Variants in PFKFB4 observed in about 807,000 individuals in gnomAD.
PFKFB4 encodes 6-phosphofructo-2-kinase/fructose-2,6-bisphosphatase 4.
Under a neutral mutation model 62.8 loss-of-function variants are expected in PFKFB4, and 42 were observed. The observed-to-expected ratio is 0.67, with a 90% CI of 0.52 to 0.86. The LOEUF is 0.86. PFKFB4 is among the 40% of genes least tolerant of loss of function. The pLI, the probability that PFKFB4 is intolerant of heterozygous loss-of-function variation, is 0.00. For missense variants in PFKFB4, 475 were observed against 627.2 expected, an observed-to-expected ratio of 0.76 and a Z score of 2.59; for synonymous variants, 204 against 240.7, an observed-to-expected ratio of 0.85 and a Z score of 1.41.
Position 48,542,003 on chromosome 3 carries a change from T to C in PFKFB4, c.378+1577A>G, listed in dbSNP as rs1348378537. ...CAACAACACTCATATACTTGTAAGA[T>C]AATGTTGAAGAAGTCTTTCTCAAAA... On this transcript the variant is annotated intron_variant, in intron 4 of 13. Transcript: ENST00000232375. Among the ~76,000 whole-genome samples, 3 of 151,756 alleles carry C rather than the reference T, an allele frequency of 2.0e-5. 1 individual carries two copies. Among genetic ancestry groups the C allele is most frequent in the South Asian group, 4.2e-4 (2 of 4,804 alleles).
intron 1 of PFKFB4, among the ~76,000 whole-genome samples, chr3:48,554,241 G>A (rs935983383): frequency 6.6e-6 from 1 of 152,162 alleles, no homozygotes; most frequent in Non-Finnish European, 1.5e-5. Flanking sequence ...CACCCTCCGG[G>A]TCCAGACTGT....
intron 7 of PFKFB4, among the ~76,000 whole-genome samples, chr3:48,537,860 G>A (rs2042674167): frequency 6.6e-6 from 1 of 152,088 alleles, no homozygotes; most frequent in Admixed American, 6.6e-5. Flanking sequence ...CAGAACCTAA[G>A]CACAAGTTTG....
intron 1 of PFKFB4, among the ~76,000 whole-genome samples, chr3:48,553,603 C>T (rs984200723): frequency 1.3e-5 from 2 of 152,220 alleles, no homozygotes; most frequent in East Asian, 1.9e-4. Context: ...GCTCTAGGAG[C>T]GAAGGGGCCC....
chr3:48,519,421 T>C lies in PFKFB4; in HGVS notation c.*326A>G. On this transcript the variant is annotated 3_prime_UTR_variant, in exon 14 of 14. Coordinates refer to ENST00000232375, the MANE Select transcript of PFKFB4 (RefSeq NM_004567.4). ...CCTTTCACATTGTAGGGTTTCACACTTCACAAAGCCAACTGAGCTGGCGAG... is the reference window on the plus strand; with the variant it reads ...CCTTTCACATTGTAGGGTTTCACACCTCACAAAGCCAACTGAGCTGGCGAG... 1 of 316,914 alleles carries C rather than the reference T, an allele frequency of 3.2e-6. No individual in the cohort carries two copies. The highest frequency in any genetic ancestry group is 5.9e-6 in the Non-Finnish European group (1 of 168,820). 19.6% of individuals were successfully genotyped at this position (316,914 alleles called of 1,614,324 possible).
upstream of PFKFB4, chr3:48,562,774 CCT>C (rs780820752): frequency 3.4e-5 from 52 of 1,535,524 alleles, no homozygotes; most frequent in Middle Eastern, 1.7e-4. The surrounding 1 kb of genome is among the most constrained non-coding windows in gnomAD (Gnocchi z 4.3). Flanking sequence ...ACTGTGACCC[CCT>C]CTCTCAGGCT....
intron 9 of PFKFB4, among the ~76,000 whole-genome samples, chr3:48,527,878 G>A (rs1288697441): frequency 2.6e-5 from 4 of 151,754 alleles, no homozygotes; most frequent in East Asian, 1.9e-4. Flanking sequence ...TAGTAGAGAC[G>A]GGGTTTCGCC....
upstream of PFKFB4, chr3:48,559,558 C>G (rs1258952587): frequency 8.8e-6 from 4 of 457,042 alleles, no homozygotes; most frequent in African/African-American, 2.0e-5. Flanking sequence ...GTCCCAGCGT[C>G]TGCTCTCTCA....
At position 48,543,664 on chromosome 3, in the gene PFKFB4, C is replaced by A. The variant is rs765978584; in HGVS notation, c.312-18G>T. The A allele has an allele frequency of 1.6e-5, 26 of 1,605,270 alleles. No individual in the cohort carries two copies. The South Asian group carries it at 2.4e-4, about 15-fold the overall frequency. ...CACACTGCCTTCAGGAGAGAAAACA[C>A]AGGGTCAGCCCAGCACCCGACCCTG... On this transcript the variant is annotated intron_variant, in intron 3 of 13. Transcript: ENST00000232375.
At chr3:48,522,225 C>A (rs996819993) in intron 12 of PFKFB4, among the ~76,000 whole-genome samples, 175 bp from the exon 13 acceptor site, 1 of 152,190 alleles carries the variant, frequency 6.6e-6, no homozygotes, top group African/African-American at 2.4e-5. Context: ...AAGGATGAGA[C>A]ACGCTGTCAG....
intron 10 of PFKFB4, 57 bp downstream of exon 10, chr3:48,525,508 G>T: frequency 2.2e-6 from 2 of 900,918 alleles, no homozygotes; most frequent in Non-Finnish European, 3.4e-6. Context: ...CTCAGCCACA[G>T]GTGGTACTCC....
chr3:48,531,962 A>G (rs1220422445), intron 9 of PFKFB4, among the ~76,000 whole-genome samples: 4 of 152,218 alleles, frequency 2.6e-5, no homozygotes, highest in Admixed American at 6.5e-5. Flanking sequence ...TCTGGTAGAA[A>G]TGTAAAATGA....
chr3:48,539,265 C>T lies in PFKFB4; in HGVS notation c.499G>A (p.Ala167Thr), dbSNP rs747613310. ...GATGCACTACTCACCACGATGTTGG[C>T]AGCTATGACCTCAGGATCCACACAG... The part of the protein sequence containing the change: ...SICVDPEVIA[A>T]NIVQVKLGSP... The change falls in exon 6 of 14, where the codon GCC becomes ACC. Residue 167 changes from alanine to threonine, a missense_variant. Transcript: ENST00000232375. 2.5e-6 allele frequency: 4 copies of T among 1,613,386 alleles called. No individual in the cohort carries two copies. Among genetic ancestry groups the T allele is most frequent in the Non-Finnish European group, 3.4e-6 (4 of 1,179,506 alleles).
chr3:48,559,901 CA>C, upstream of PFKFB4: 2 of 22,020 alleles, frequency 9.1e-5, no homozygotes, highest in South Asian at 1.2e-3. Flanking sequence ...CATCCCACCA[CA>C]CACACACACA....
upstream of PFKFB4, chr3:48,561,261 T>C: frequency 3.2e-6 from 1 of 311,090 alleles, no homozygotes; most frequent in South Asian, 2.6e-5. This position sits in a 1 kb window ranked among gnomAD's most constrained non-coding sequence, Gnocchi z 5.2. Context: ...CCCACAGGGC[T>C]GCTTACAACT....
intron 3 of PFKFB4, among the ~76,000 whole-genome samples, chr3:48,544,718 CAGA>C (rs1392556558): frequency 6.8e-6 from 1 of 146,694 alleles, no homozygotes; most frequent in South Asian, 2.1e-4. Context: ...TGGATTGACA[CAGA>C]AGGTTTGTTT....
At chr3:48,531,286 T>C (rs2042417935) in intron 9 of PFKFB4, among the ~76,000 whole-genome samples, 1 of 151,234 alleles carries the variant, frequency 6.6e-6, no homozygotes, top group Non-Finnish European at 1.5e-5. Flanking sequence ...TCACCTGAGG[T>C]CAGGAGTTCA....
chr3:48,519,568 C>T lies in PFKFB4; in HGVS notation c.*179G>A, dbSNP rs367969139. 332 of 591,246 alleles carry T rather than the reference C, an allele frequency of 5.6e-4. 2 individuals are homozygous for T. The South Asian group carries it at 6.1e-3, about 11-fold the overall frequency. 36.6% of individuals were successfully genotyped at this position (591,246 alleles called of 1,614,324 possible). Reference sequence around the variant, plus strand: ...GGTCAGGAGCCACGCACAACCTTGTCGCCGACTGTCAACAAAGAGCCAGGT... The same window carrying T: ...GGTCAGGAGCCACGCACAACCTTGTTGCCGACTGTCAACAAAGAGCCAGGT... On this transcript the variant is annotated 3_prime_UTR_variant, in exon 14 of 14. Coordinates refer to ENST00000232375, the MANE Select transcript of PFKFB4 (RefSeq NM_004567.4).
At chr3:48,546,466 C>T (rs1275344259) in intron 3 of PFKFB4, among the ~76,000 whole-genome samples, 1 of 152,164 alleles carries the variant, frequency 6.6e-6, no homozygotes, top group Non-Finnish European at 1.5e-5. Flanking sequence ...CATGTGCATA[C>T]AGGTGAACAC....
chr3:48,555,561 A>G (rs1279124874), intron 1 of PFKFB4, among the ~76,000 whole-genome samples: 1 of 152,234 alleles, frequency 6.6e-6, no homozygotes, highest in African/African-American at 2.4e-5. Flanking sequence ...CAAATTCATT[A>G]CAATGTTTCA....
Sources: allele counts gnomAD v4.1 joint callset (sites outside exome capture counted in the v4.1 genomes callset), GRCh38; gene constraint gnomAD v4.1.1; non-coding constraint Gnocchi (gnomAD v3.1); transcripts MANE v1.5; gene names NCBI Gene and HGNC (gene_info 2026-07-23, HGNC 2026-07-21).